Variants in KCNMB2 observed in about 807,000 individuals in gnomAD.
KCNMB2 encodes the protein calcium-activated potassium channel subunit beta-2.
KCNMB2 carries 9 observed loss-of-function variants against 24.5 expected under a neutral mutation model. The observed-to-expected ratio is 0.37, with a 90% CI of 0.22 to 0.64. The LOEUF (loss-of-function observed/expected upper bound fraction) is 0.64, where lower values mean the gene tolerates loss of function less well. KCNMB2 is among the 30% of genes least tolerant of loss of function. KCNMB2 has a pLI of 0.63. For synonymous variants in KCNMB2, 109 were observed against 104.4 expected, an observed-to-expected ratio of 1.04 and a Z score of -0.27; for missense variants, 226 against 284.3, an observed-to-expected ratio of 0.79 and a Z score of 1.47.
chr3:178,671,576 A>G (rs949412921), intron 1 of KCNMB2, among the ~76,000 whole-genome samples: 3 of 152,130 alleles, frequency 2.0e-5, no homozygotes, highest in Non-Finnish European at 4.4e-5. Context: ...TACAGAGAGA[A>G]GGTGAAATTG....
chr3:178,774,712 T>C (rs1031545147), intron 1 of KCNMB2, among the ~76,000 whole-genome samples: 2 of 152,242 alleles, frequency 1.3e-5, no homozygotes, highest in African/African-American at 4.8e-5. Flanking sequence ...TTCTACTTCC[T>C]TGTTCCCCAT....
At chr3:178,705,990 A>G (rs1320759811) in intron 1 of KCNMB2, among the ~76,000 whole-genome samples, 1 of 152,144 alleles carries the variant, frequency 6.6e-6, no homozygotes, top group Non-Finnish European at 1.5e-5. Flanking sequence ...TCCTGCTTCT[A>G]CCACCCACAC....
At chr3:178,679,821 C>T (rs1405115651) in intron 1 of KCNMB2, among the ~76,000 whole-genome samples, 2 of 152,130 alleles carry the variant, frequency 1.3e-5, no homozygotes, top group Admixed American at 6.5e-5. Context: ...AATAAAGCCT[C>T]ACCATTCCAG....
chr3:178,704,096 G>A (rs560116063), intron 1 of KCNMB2, among the ~76,000 whole-genome samples: 2 of 152,214 alleles, frequency 1.3e-5, no homozygotes, highest in Admixed American at 1.3e-4. Context: ...AATTGACAAA[G>A]TCTTTTTATG....
At chr3:178,660,665 T>G (rs770364151) in intron 1 of KCNMB2, among the ~76,000 whole-genome samples, 4 of 152,106 alleles carry the variant, frequency 2.6e-5, no homozygotes, top group Non-Finnish European at 5.9e-5. Context: ...AATCCAAGAG[T>G]TGGTTTGGTG....
intron 2 of KCNMB2, among the ~76,000 whole-genome samples, chr3:178,813,586 T>A (rs909614570): frequency 1.3e-5 from 2 of 152,204 alleles, no homozygotes; most frequent in African/African-American, 2.4e-5. Context: ...TTGTTTCCAA[T>A]CCTTACGGTT....
At chr3:178,685,180 G>T (rs910391922) in intron 1 of KCNMB2, among the ~76,000 whole-genome samples, 1 of 152,176 alleles carries the variant, frequency 6.6e-6, no homozygotes, top group African/African-American at 2.4e-5. Context: ...ACAAGCAAGG[G>T]CTCTGAAGTG....
At chr3:178,736,246 C>G (rs1190905306) in intron 1 of KCNMB2, among the ~76,000 whole-genome samples, 1 of 152,178 alleles carries the variant, frequency 6.6e-6, no homozygotes, top group Non-Finnish European at 1.5e-5. Context: ...CAATCTATGT[C>G]ATGCTGCTTA....
intron 1 of KCNMB2, among the ~76,000 whole-genome samples, chr3:178,613,951 T>C (rs746172629): frequency 2.4e-4 from 36 of 152,018 alleles, no homozygotes; most frequent in Non-Finnish European, 4.6e-4. Flanking sequence ...ATTTGCCCTT[T>C]TGAGGCTATT....
chr3:178,610,342 T>C (rs186829819), intron 1 of KCNMB2, among the ~76,000 whole-genome samples: 36 of 152,286 alleles, frequency 2.4e-4, no homozygotes, highest in Admixed American at 5.9e-4. Flanking sequence ...TTGTTTTGGG[T>C]AGCATGGACA....
intron 1 of KCNMB2, among the ~76,000 whole-genome samples, chr3:178,597,153 C>A (rs1249723727): frequency 3.3e-5 from 5 of 152,172 alleles, no homozygotes; most frequent in Non-Finnish European, 7.3e-5. Flanking sequence ...ATTTAATTCA[C>A]ACCCTGACAT....
At chr3:178,594,601 T>C (rs1717797718) in intron 1 of KCNMB2, among the ~76,000 whole-genome samples, 1 of 152,040 alleles carries the variant, frequency 6.6e-6, no homozygotes, top group Admixed American at 6.6e-5. Flanking sequence ...AGTTCAATCC[T>C]GGAAATGTTG....
At chr3:178,580,324 C>A (rs953528823) in intron 1 of KCNMB2, among the ~76,000 whole-genome samples, 1 of 152,090 alleles carries the variant, frequency 6.6e-6, no homozygotes, top group South Asian at 2.1e-4. Flanking sequence ...ATTCAACAGC[C>A]CTTCATGCTA....
chr3:178,624,063 A>C (rs1404094341), intron 1 of KCNMB2, among the ~76,000 whole-genome samples: 1 of 152,216 alleles, frequency 6.6e-6, no homozygotes, highest in Non-Finnish European at 1.5e-5. Flanking sequence ...TGCTGTGTGC[A>C]TCTGGGCCCA....
chr3:178,678,134 G>A (rs2108590707), intron 1 of KCNMB2, among the ~76,000 whole-genome samples: 1 of 152,322 alleles, frequency 6.6e-6, no homozygotes, highest in East Asian at 1.9e-4. Context: ...TTATGGAACA[G>A]GAGGGTGAGC....
chr3:178,842,554 A>AT lies in KCNMB2; in HGVS notation c.424-96dup, dbSNP rs1022657445. On this transcript the variant is annotated intron_variant, in intron 4 of 4. Transcript: ENST00000452583. ...TATGAAAAGAATAACCACCATGGTTATTTCACAGATCACTAATTTGGACAC... is the reference window on the plus strand; with the variant it reads ...TATGAAAAGAATAACCACCATGGTTATTTTCACAGATCACTAATTTGGACAC... 9.1e-6 allele frequency: 7 copies of AT among 772,052 alleles called. No individual in the cohort carries two copies. The African/African-American group carries it at 1.0e-4, about 11-fold the overall frequency. The allele number at this position is 772,052 out of a possible 1,614,324, so 47.8% of individuals were successfully genotyped here. A position where few individuals can be genotyped will look rare whatever the true frequency, so the allele number is the denominator to read the frequency against.
chr3:178,773,497 A>G (rs1309364456), intron 1 of KCNMB2, among the ~76,000 whole-genome samples: 1 of 152,116 alleles, frequency 6.6e-6, no homozygotes, highest in African/African-American at 2.4e-5. Context: ...ATGTATTTGT[A>G]CTGGGTCTGA....
At chr3:178,779,728 T>A (rs1712744557) in intron 1 of KCNMB2, among the ~76,000 whole-genome samples, 1 of 152,132 alleles carries the variant, frequency 6.6e-6, no homozygotes, top group Non-Finnish European at 1.5e-5. Flanking sequence ...CAGGTTCAGG[T>A]TTTTTGTAAG....
In KCNMB2 at chr3:178,768,779, A is replaced by T. The variant is rs192383287; in HGVS notation, c.-67-38564A>T. Among the ~76,000 whole-genome samples the T allele has an allele frequency of 5.2e-4, 79 of 152,190 alleles. 1 individual carries two copies. In the East Asian group the frequency reaches 7.7e-3, roughly 15 times the overall value. On this transcript the variant is annotated intron_variant, in intron 1 of 4. Transcript: ENST00000452583. ...CATAGATCTTACTGACCTATTTCTTATTTCCCCCACATAAACAATAAAAGT... is the reference window on the plus strand; with the variant it reads ...CATAGATCTTACTGACCTATTTCTTTTTTCCCCCACATAAACAATAAAAGT...
Sources: allele counts gnomAD v4.1 joint callset (sites outside exome capture counted in the v4.1 genomes callset), GRCh38; gene constraint gnomAD v4.1.1; transcripts MANE v1.5; gene names NCBI Gene and HGNC (gene_info 2026-07-23, HGNC 2026-07-21).